B3GALT1: variants seen among roughly 807,000 people sequenced by gnomAD.
B3GALT1 encodes beta-1,3-galactosyltransferase 1.
A neutral mutation model predicts 23.2 loss-of-function variants in B3GALT1; 10 were observed. The ratio of observed to expected loss-of-function variants is 0.43; its 90% confidence interval spans 0.27 to 0.73. The LOEUF (loss-of-function observed/expected upper bound fraction) is 0.73, where lower values mean the gene tolerates loss of function less well. Ranked by LOEUF, B3GALT1 falls within the 30% of genes least tolerant of loss-of-function variation. B3GALT1 has a pLI of 0.21. For synonymous variants in B3GALT1, 156 were observed against 141.5 expected, an observed-to-expected ratio of 1.10 and a Z score of -0.73; for missense variants, 299 against 405.4, an observed-to-expected ratio of 0.74 and a Z score of 2.25.
At chr2:167,675,076 T>A (rs1488128512) in intron 3 of B3GALT1, among the ~76,000 whole-genome samples, 1 of 152,330 alleles carries the variant, frequency 6.6e-6, no homozygotes, top group East Asian at 1.9e-4. Context: ...GATGAGCCCC[T>A]GTGCACCTTG....
At chr2:167,838,520 T>A (rs1689546727) in intron 4 of B3GALT1, among the ~76,000 whole-genome samples, 1 of 152,288 alleles carries the variant, frequency 6.6e-6, no homozygotes, top group African/African-American at 2.4e-5. Flanking sequence ...GGAGCTGCAA[T>A]TGTGGTAATA....
intron 1 of B3GALT1, among the ~76,000 whole-genome samples, chr2:167,345,265 G>A (rs1697210579): frequency 6.6e-6 from 1 of 152,024 alleles, no homozygotes; most frequent in Admixed American, 6.6e-5. Flanking sequence ...AACACTATAG[G>A]CTCATGAAGT....
chr2:167,338,307 T>G (rs951041706), intron 1 of B3GALT1, among the ~76,000 whole-genome samples: 4 of 152,168 alleles, frequency 2.6e-5, no homozygotes, highest in African/African-American at 9.7e-5. Context: ...ATGATCAAAG[T>G]TTGTGGTGCA....
chr2:167,749,252 T>A (rs1687697369), intron 3 of B3GALT1, among the ~76,000 whole-genome samples: 1 of 152,146 alleles, frequency 6.6e-6, no homozygotes, highest in Non-Finnish European at 1.5e-5. Context: ...AAAAAATAAC[T>A]AAGCTCTTTC....
intron 2 of B3GALT1, among the ~76,000 whole-genome samples, chr2:167,568,780 T>C (rs1168922360): frequency 6.6e-6 from 1 of 151,988 alleles, no homozygotes; most frequent in African/African-American, 2.4e-5. Context: ...TGATTTTTTT[T>C]TTATCTAAAG....
chr2:167,568,020 A>G (rs1275264419), intron 2 of B3GALT1, among the ~76,000 whole-genome samples: 2 of 152,136 alleles, frequency 1.3e-5, no homozygotes, highest in Non-Finnish European at 2.9e-5. Flanking sequence ...TTTACTTAGT[A>G]ATATGCGTTT....
chr2:167,673,502 A>G (rs1686368742), intron 3 of B3GALT1, among the ~76,000 whole-genome samples: 1 of 152,194 alleles, frequency 6.6e-6, no homozygotes, highest in East Asian at 1.9e-4. Flanking sequence ...TGTTTATTAG[A>G]TTAAATCCCT....
chr2:167,558,462 A>G (rs7572056), intron 2 of B3GALT1: 5,516 of 152,574 alleles, frequency 0.036, 166 homozygotes, highest in African/African-American at 0.088. Context: ...GGCTCAGGAC[A>G]GTGAGTGCAG....
At chr2:167,718,247 G>A (rs965162816) in intron 3 of B3GALT1, among the ~76,000 whole-genome samples, 8 of 151,738 alleles carry the variant, frequency 5.3e-5, no homozygotes, top group East Asian at 2.0e-4. Flanking sequence ...GTGGATTAAC[G>A]GTTATTAAAC....
Position 167,406,457 on chromosome 2 carries a change from G to A in B3GALT1, c.-510-83720G>A, listed in dbSNP as rs534372007. 2.6e-5 allele frequency among the ~76,000 whole-genome samples: 4 copies of A among 152,184 alleles called. No individual in the cohort carries two copies. The South Asian group carries it at 8.3e-4, about 31-fold the overall frequency. On this transcript the variant is annotated intron_variant, in intron 1 of 4. Coordinates refer to ENST00000392690, the MANE Select transcript of B3GALT1 (RefSeq NM_020981.4). Reference sequence around the variant, plus strand: ...GAGAAACTCCAAGCAGATAGTAAAAGAATCCAGACTCCCACATCCACAATG... The same window carrying A: ...GAGAAACTCCAAGCAGATAGTAAAAAAATCCAGACTCCCACATCCACAATG...
chr2:167,636,788 G>A (rs1460265760), intron 2 of B3GALT1, among the ~76,000 whole-genome samples: 1 of 152,006 alleles, frequency 6.6e-6, no homozygotes, highest in Non-Finnish European at 1.5e-5. Context: ...TGAACAATGA[G>A]AACACATGGA....
intron 3 of B3GALT1, among the ~76,000 whole-genome samples, chr2:167,688,385 A>G (rs1270811697): frequency 6.6e-6 from 1 of 152,198 alleles, no homozygotes; most frequent in Non-Finnish European, 1.5e-5. Flanking sequence ...TCAACAAGCA[A>G]TTACGAACAC....
At chr2:167,609,661 G>A (rs558859469) in intron 2 of B3GALT1, among the ~76,000 whole-genome samples, 1 of 152,270 alleles carries the variant, frequency 6.6e-6, no homozygotes, top group East Asian at 1.9e-4. Context: ...CAGGTCACCA[G>A]CAACTATCTC....
intron 1 of B3GALT1, among the ~76,000 whole-genome samples, chr2:167,372,329 A>T (rs922211386): frequency 6.6e-6 from 1 of 152,112 alleles, no homozygotes; most frequent in East Asian, 1.9e-4. Context: ...AAACTGTCAG[A>T]AAACTGAAAA....
At chr2:167,837,766 CA>C (rs1413596999) in intron 4 of B3GALT1, among the ~76,000 whole-genome samples, 1 of 148,778 alleles carries the variant, frequency 6.7e-6, no homozygotes, top group Non-Finnish European at 1.5e-5. Context: ...AAATTGACCA[CA>C]TAGTTGGAAG....
At chr2:167,715,749 AGC>A in intron 3 of B3GALT1, 1 of 1,613,108 alleles carries the variant, frequency 6.2e-7, no homozygotes, top group Non-Finnish European at 8.5e-7. Context: ...TGTACTTCAT[AGC>A]CTTCATACTC....
At chr2:167,323,793 C>T (rs1315888167) in intron 1 of B3GALT1, among the ~76,000 whole-genome samples, 1 of 150,846 alleles carries the variant, frequency 6.6e-6, no homozygotes, top group Non-Finnish European at 1.5e-5. Context: ...GTGTGTAAAA[C>T]ACTTCTTAAC....
intron 2 of B3GALT1, among the ~76,000 whole-genome samples, chr2:167,628,995 A>G (rs1192087913): frequency 6.6e-6 from 1 of 151,816 alleles, no homozygotes; most frequent in East Asian, 1.9e-4. Flanking sequence ...CAAGGTCACT[A>G]GTATCTACCA....
chr2:167,714,764 A>T, intron 3 of B3GALT1: 2 of 1,613,854 alleles, frequency 1.2e-6, no homozygotes, highest in Non-Finnish European at 1.7e-6. Flanking sequence ...ATCTTTGGCT[A>T]GCTTTCTATA....
Sources: gnomAD v4.1 joint callset for allele counts (sites outside exome capture counted in the v4.1 genomes callset) on GRCh38, gnomAD v4.1.1 for gene constraint, MANE v1.5 for transcripts, NCBI Gene and HGNC (gene_info 2026-07-23, HGNC 2026-07-21) for gene names.